Variants in ADGRG6 observed in about 807,000 individuals in gnomAD.
ADGRG6 encodes G-protein coupled receptor 126.
Under a neutral mutation model 142.4 loss-of-function variants are expected in ADGRG6, and 84 were observed. The ratio of observed to expected loss-of-function variants is 0.59; its 90% CI spans 0.49 to 0.71. ADGRG6 has a LOEUF of 0.71. ADGRG6 is among the 30% of genes least tolerant of loss of function. ADGRG6 has a pLI of 0.00. For missense variants in ADGRG6, 1,367 were observed against 1,466.6 expected (o/e 0.93, Z 1.11); for synonymous variants, 521 against 520.5 (o/e 1.00, Z -0.01).
chr6:142,351,398 C>T lies in ADGRG6; in HGVS notation c.104-16171C>T, dbSNP rs576878176. Among the ~76,000 whole-genome samples the T allele has an allele frequency of 3.0e-4, 46 of 152,106 alleles. 1 individual carries two copies. In the South Asian group the frequency reaches 5.8e-3, roughly 19 times the overall value. The stretch of plus-strand genomic sequence containing the variant: ...AGGACAGAGAACCCTGAAATAAAGC[C>T]GCACACCTACAACCACCTGATCTTC... On this transcript the variant is annotated intron_variant, in intron 2 of 24. Coordinates refer to ENST00000367609, the MANE Select transcript of ADGRG6 (RefSeq NM_198569.3).
intron 4 of ADGRG6, among the ~76,000 whole-genome samples, chr6:142,373,111 G>A (rs1014153713): frequency 6.6e-6 from 1 of 152,320 alleles, no homozygotes; most frequent in Non-Finnish European, 1.5e-5. Flanking sequence ...GAGGCACGTG[G>A]AGATTAACTA....
chr6:142,405,828 G>C lies in ADGRG6; in HGVS notation c.2268G>C (p.Gln756His). The stretch of plus-strand genomic sequence containing the variant: ...TCTTCAACAAAACTGGACTTTTCCA[G>C]GTAAGCACATTCATTAAATTATTGT... ...FTFFNKTGLF[Q>H]DVGPQRKTLV... Residue 756 changes from glutamine to histidine, a missense_variant and splice_region_variant, in exon 15 of 25, where the codon CAG (glutamine) becomes CAC (histidine). Gln to His is a conservative substitution (Grantham distance 24). Around this residue, in one of 3 missense-constraint regions of ADGRG6, gnomAD observed 286 missense variants for 371.4 expected, o/e 0.77. Coordinates refer to ENST00000367609, the MANE Select transcript of ADGRG6 (RefSeq NM_198569.3). 6.3e-7 allele frequency: 1 copy of C among 1,578,654 alleles called. No homozygotes were observed.
At chr6:142,370,035 AAG>A (rs1781158503) in intron 3 of ADGRG6, 133 bp from the exon 4 acceptor site, 1 of 601,174 alleles carries the variant, frequency 1.7e-6, no homozygotes, top group Non-Finnish European at 2.9e-6. Context: ...ATAGATGAGT[AAG>A]AGGGGAGGGA....
At chr6:142,351,262 A>G (rs769686095) in intron 2 of ADGRG6, among the ~76,000 whole-genome samples, 2 of 152,132 alleles carry the variant, frequency 1.3e-5, no homozygotes, top group African/African-American at 4.8e-5. Context: ...ACAAACAAAC[A>G]AAAGAACAAA....
At chr6:142,405,484 A>T (rs1250045876) in intron 14 of ADGRG6, 20 of 665,758 alleles carry the variant, frequency 3.0e-5, no homozygotes, top group Non-Finnish European at 1.7e-5. Flanking sequence ...CCTTTGGCAC[A>T]CATGTAAAAC....
intron 20 of ADGRG6, 24 bp downstream of exon 20, chr6:142,416,088 G>T: frequency 3.8e-6 from 6 of 1,572,000 alleles, no homozygotes; most frequent in African/African-American, 1.4e-5. Flanking sequence ...AATTTTTTTG[G>T]TTTTGTTTTT....
In ADGRG6 at chr6:142,415,850, G is replaced by A. The variant is rs1776324634; in HGVS notation, c.2724G>A (p.Leu908=). The change falls in exon 20 of 25, where the codon CTG becomes CTA. Residue 908 remains leucine, a synonymous_variant. Coordinates refer to ENST00000367609, the MANE Select transcript of ADGRG6 (RefSeq NM_198569.3). ...SKILMNLSTA[L]LFLNLLFLLD... ...TCTTGATGAACCTGAGCACAGCCCT[G>A]CTGTTCCTGAATCTCCTCTTCCTCC... The A allele has an allele frequency of 6.8e-6, 11 of 1,612,190 alleles. No individual in the cohort carries two copies. The highest frequency in any genetic ancestry group is 9.3e-6 in the Non-Finnish European group (11 of 1,178,560).
rs1429867663 is a variant in ADGRG6 at position 142,309,643 on chromosome 6, A to T, written c.102A>T (p.Ser34=). 1 of 1,569,678 alleles carries T rather than the reference A, an allele frequency of 6.4e-7. No homozygotes were observed. The highest frequency in any genetic ancestry group is 8.7e-7 in the Non-Finnish European group (1 of 1,147,246). ...FALYIMCVPH[S]VWGCANCRVV... ...TATATATCATGTGTGTTCCTCACTC[A>T]GGTAAGACTCTTCCTCTTTCACACC... The change falls in exon 2 of 25, where the codon TCA becomes TCT. Residue 34 remains serine (S), a splice_region_variant and synonymous_variant. Coordinates refer to ENST00000367609, the MANE Select transcript of ADGRG6 (RefSeq NM_198569.3).
intron 2 of ADGRG6, among the ~76,000 whole-genome samples, chr6:142,341,373 T>TTA (rs935339222): frequency 7.1e-5 from 9 of 126,902 alleles, no homozygotes; most frequent in African/African-American, 2.7e-4. Flanking sequence ...AGAATATATA[T>TTA]TATATATATA....
At chr6:142,307,383 G>T (rs1039935381) in intron 1 of ADGRG6, among the ~76,000 whole-genome samples, 1 of 151,852 alleles carries the variant, frequency 6.6e-6, no homozygotes, top group Admixed American at 6.6e-5. Context: ...CTTCAGCATT[G>T]GTCCTCCTAG....
At chr6:142,418,295 T>TA (rs541243272) in intron 21 of ADGRG6, among the ~76,000 whole-genome samples, 4,848 of 79,514 alleles carry the variant, frequency 0.061, 324 homozygotes, top group African/African-American at 0.18. Flanking sequence ...AGACTCCATC[T>TA]AAAAAAAAAA....
chr6:142,312,814 G>T (rs1777834967), intron 2 of ADGRG6, among the ~76,000 whole-genome samples: 1 of 152,084 alleles, frequency 6.6e-6, no homozygotes. Context: ...AAAGGGGGAT[G>T]GTTATGTGCA....
At chr6:142,317,884 A>C (rs749127107) in intron 2 of ADGRG6, among the ~76,000 whole-genome samples, 2 of 77,048 alleles carry the variant, frequency 2.6e-5, no homozygotes, top group Non-Finnish European at 4.5e-5. Context: ...TATTATATAT[A>C]TTTATATTAT....
At chr6:142,317,433 G>GGGT (rs1290075525) in intron 2 of ADGRG6, among the ~76,000 whole-genome samples, 1 of 151,784 alleles carries the variant, frequency 6.6e-6, no homozygotes, top group East Asian at 1.9e-4. Flanking sequence ...TTCCTTAGCA[G>GGGT]GGTGTGTCTA....
chr6:142,312,675 A>G (rs1312754295), intron 2 of ADGRG6, among the ~76,000 whole-genome samples: 1 of 152,156 alleles, frequency 6.6e-6, no homozygotes, highest in Non-Finnish European at 1.5e-5. Flanking sequence ...AAGAATGTGT[A>G]CATTGGTGTA....
intron 4 of ADGRG6, among the ~76,000 whole-genome samples, chr6:142,372,220 A>G (rs1781292172): frequency 6.6e-6 from 1 of 152,220 alleles, no homozygotes; most frequent in Admixed American, 6.5e-5. Context: ...TTCAAACACA[A>G]AAAGTAGAAG....
chr6:142,377,375 A>G lies in ADGRG6; in HGVS notation c.1070-4576A>G, dbSNP rs113232154. On this transcript the variant is annotated intron_variant, in intron 4 of 24. Coordinates refer to ENST00000367609, the MANE Select transcript of ADGRG6 (RefSeq NM_198569.3). The stretch of plus-strand genomic sequence containing the variant: ...AGCAGCCTCCTCCCCTGCATAAGGC[A>G]TGAATTCCCCGTGGCTCCACCCACC... 8.0e-3 allele frequency among the ~76,000 whole-genome samples: 1,211 copies of G among 152,316 alleles called. 21 individuals carry two copies. The highest frequency in any genetic ancestry group is 0.027 in the African/African-American group (1,130 of 41,572).
chr6:142,357,392 C>T (rs1780497324), intron 2 of ADGRG6, among the ~76,000 whole-genome samples: 1 of 151,960 alleles, frequency 6.6e-6, no homozygotes, highest in Admixed American at 6.6e-5. Flanking sequence ...ACAAGCTGTT[C>T]ATGTAAAAAT....
intron 1 of ADGRG6, chr6:142,302,545 GT>G (rs138959848): frequency 9.9e-4 from 524 of 528,914 alleles, no homozygotes; most frequent in South Asian, 3.0e-3. Context: ...GTGTGTGGCT[GT>G]TTTTTTTCCC....
Sources: gnomAD v4.1 joint callset for allele counts (sites outside exome capture counted in the v4.1 genomes callset) on GRCh38, gnomAD v4.1.1 for gene constraint, gnomAD v4.1.1 regional missense constraint, MANE v1.5 for transcripts, NCBI Gene and HGNC (gene_info 2026-07-23, HGNC 2026-07-21) for gene names.